The following TBC1D1 variants were observed in gnomAD, a reference collection of about 807,000 sequenced individuals.
TBC1D1 encodes the protein TBC1 (tre-2/USP6, BUB2, cdc16) domain family, member 1.
TBC1D1 carries 89 observed loss-of-function variants against 125.6 expected under a neutral mutation model. The ratio of observed to expected loss-of-function variants is 0.71; its 90% CI spans 0.60 to 0.85. The LOEUF (loss-of-function observed/expected upper bound fraction) is 0.85, where lower values mean the gene tolerates loss of function less well. Ranked by LOEUF, TBC1D1 falls within the 40% of genes least tolerant of loss-of-function variation. The pLI is 0.00. For synonymous variants in TBC1D1, 565 were observed against 564.1 expected (o/e 1.00, Z -0.02); for missense variants, 1,377 against 1,469.2 (o/e 0.94, Z 1.03).
chr4:38,000,222 T>G (rs1163883287), intron 2 of TBC1D1, among the ~76,000 whole-genome samples: 1 of 152,232 alleles, frequency 6.6e-6, no homozygotes, highest in Non-Finnish European at 1.5e-5. Flanking sequence ...TGGTGGTGAT[T>G]GTATTTTTGA....
At chr4:38,132,537 G>A (rs1765758191) in intron 18 of TBC1D1, among the ~76,000 whole-genome samples, 1 of 152,046 alleles carries the variant, frequency 6.6e-6, no homozygotes, top group Non-Finnish European at 1.5e-5. Context: ...TGGGTGACAT[G>A]TGGGTTTTGG....
intron 10 of TBC1D1, among the ~76,000 whole-genome samples, chr4:38,047,225 A>G (rs1749661652): frequency 6.6e-6 from 1 of 152,224 alleles, no homozygotes; most frequent in South Asian, 2.1e-4. Context: ...TAGATGGATG[A>G]GTGCTTCTCA....
intron 15 of TBC1D1, among the ~76,000 whole-genome samples, chr4:38,108,034 G>A (rs1382306483): frequency 6.6e-6 from 1 of 152,108 alleles, no homozygotes; most frequent in Admixed American, 6.5e-5. Flanking sequence ...TTGAAGCCTT[G>A]GGTCAGGAGC....
intron 2 of TBC1D1, among the ~76,000 whole-genome samples, chr4:37,997,072 G>A (rs2152398166): frequency 6.6e-6 from 1 of 152,346 alleles, no homozygotes; most frequent in East Asian, 1.9e-4. Context: ...GTCCACATAT[G>A]TAATAATTTG....
chr4:37,908,951 G>A (rs1717950581), intron 2 of TBC1D1, among the ~76,000 whole-genome samples: 1 of 152,152 alleles, frequency 6.6e-6, no homozygotes. Context: ...GACAAAACGG[G>A]TTTTCTTTTC....
chr4:38,080,613 C>T (rs938064150), intron 12 of TBC1D1, among the ~76,000 whole-genome samples: 4 of 152,252 alleles, frequency 2.6e-5, no homozygotes, highest in Non-Finnish European at 5.9e-5. Context: ...GCATCTCCTT[C>T]CCAGTCGTGT....
At chr4:38,008,178 T>TTA (rs1429969935) in intron 2 of TBC1D1, among the ~76,000 whole-genome samples, 1 of 152,234 alleles carries the variant, frequency 6.6e-6, no homozygotes, top group Non-Finnish European at 1.5e-5. Context: ...CTATCTATAT[T>TTA]TATGCTGGCC....
intron 17 of TBC1D1, 64 bp downstream of exon 19, chr4:38,118,256 G>T (rs1276273524): frequency 1.9e-6 from 3 of 1,562,078 alleles, no homozygotes; most frequent in East Asian, 4.5e-5. Context: ...AACATTTCCT[G>T]TCTCTCCGTG....
rs1014470652 is a variant in TBC1D1, at chr4:38,075,648, C to T, written c.2051-14284C>T. Reference sequence around the variant, plus strand: ...TTTAATGGATTCTGAACTCAGATCACGTCCAGATAAGCATTGTGTAATGGG... The same window carrying T: ...TTTAATGGATTCTGAACTCAGATCATGTCCAGATAAGCATTGTGTAATGGG... On this transcript the variant is annotated intron_variant, in intron 12 of 19. Coordinates refer to ENST00000261439, the MANE Select transcript of TBC1D1 (RefSeq NM_015173.4). 3.3e-5 allele frequency among the ~76,000 whole-genome samples: 5 copies of T among 152,148 alleles called. 1 individual carries two copies. In the South Asian group the frequency reaches 6.2e-4, roughly 19 times the overall value.
chr4:38,078,083 G>T (rs1185363533), intron 12 of TBC1D1, among the ~76,000 whole-genome samples: 1 of 152,172 alleles, frequency 6.6e-6, no homozygotes, highest in Non-Finnish European at 1.5e-5. Flanking sequence ...GCACAGGTCG[G>T]TGGCCACGTT....
chr4:38,111,722 C>T (rs930020462), intron 15 of TBC1D1, among the ~76,000 whole-genome samples: 4 of 152,330 alleles, frequency 2.6e-5, no homozygotes, highest in East Asian at 3.9e-4. Context: ...AGGATCTCAG[C>T]GACCTCCAGG....
intron 8 of TBC1D1, among the ~76,000 whole-genome samples, chr4:38,036,955 A>G (rs1747331498): frequency 6.6e-6 from 1 of 151,696 alleles, no homozygotes; most frequent in South Asian, 2.1e-4. Flanking sequence ...TCTGGAGTTC[A>G]TTTTTCAGCC....
rs115516648 is a variant in TBC1D1, at chr4:38,120,460, G to A, written c.2962+2268G>A. Among the ~76,000 whole-genome samples the A allele has an allele frequency of 8.8e-3, 1,342 of 152,326 alleles. 15 individuals are homozygous for A. The highest frequency in any genetic ancestry group is 0.03 in the African/African-American group (1,247 of 41,586). ...AGATAGCTTAGTTTTATATTTCAAA[G>A]CCTGCCATTCAGTCACTATAGTCTT... On this transcript the variant is annotated intron_variant, in intron 17 of 19. Coordinates refer to ENST00000261439, the MANE Select transcript of TBC1D1 (RefSeq NM_015173.4).
At chr4:37,909,945 C>T (rs1238781259) in intron 2 of TBC1D1, among the ~76,000 whole-genome samples, 3 of 152,110 alleles carry the variant, frequency 2.0e-5, no homozygotes, top group Non-Finnish European at 2.9e-5. Context: ...GGAATTTTTT[C>T]GTCTATAAAA....
At chr4:38,102,157 T>C (rs1760462159) in intron 14 of TBC1D1, among the ~76,000 whole-genome samples, 1 of 151,286 alleles carries the variant, frequency 6.6e-6, no homozygotes, top group South Asian at 2.1e-4. Context: ...GACGAGTTAA[T>C]GGGTGCAGCA....
chr4:38,122,546 G>A (rs1256906233), intron 17 of TBC1D1, among the ~76,000 whole-genome samples: 1 of 152,178 alleles, frequency 6.6e-6, no homozygotes, highest in Non-Finnish European at 1.5e-5. Context: ...GGTTCTTCAA[G>A]CAGTCACCTT....
intron 2 of TBC1D1, among the ~76,000 whole-genome samples, chr4:37,941,715 T>A (rs1725608566): frequency 6.6e-6 from 1 of 152,242 alleles, no homozygotes; most frequent in Admixed American, 6.5e-5. Context: ...GAGATTCTGG[T>A]ATGTTGTGTC....
intron 12 of TBC1D1, among the ~76,000 whole-genome samples, chr4:38,082,683 GC>G (rs2152527028): frequency 6.6e-6 from 1 of 152,290 alleles, no homozygotes; most frequent in South Asian, 2.1e-4. Flanking sequence ...AGAGCCACCA[GC>G]CGCCCATCAC....
intron 16 of TBC1D1, 110 bp downstream of exon 18, chr4:38,116,064 C>A: frequency 8.5e-7 from 1 of 1,179,430 alleles, no homozygotes; most frequent in Non-Finnish European, 1.2e-6. Flanking sequence ...ATTGTAATAG[C>A]TGTCACTGCT....
Sources: allele counts gnomAD v4.1 joint callset (sites outside exome capture counted in the v4.1 genomes callset), GRCh38; gene constraint gnomAD v4.1.1; transcripts MANE v1.5; gene names NCBI Gene and HGNC (gene_info 2026-07-23, HGNC 2026-07-21).